MTFR1: variants seen among roughly 807,000 people sequenced by gnomAD.
MTFR1 encodes mitochondrial fission regulator 1, also known as chondrocyte protein with a poly-proline region.
MTFR1 carries 28 observed loss-of-function variants against 38.8 expected under a neutral mutation model. That is an observed-to-expected ratio of 0.72 (90% confidence interval 0.53 to 0.99). The LOEUF is 0.99. MTFR1 is among the 50% of genes least tolerant of loss of function. The pLI is 0.00. For missense variants in MTFR1, 358 were observed against 395.5 expected, an observed-to-expected ratio of 0.91 and a Z score of 0.81; for synonymous variants, 145 against 137.0, an observed-to-expected ratio of 1.06 and a Z score of -0.41.
At chr8:65,685,802 TGAAGTAGTATAGCATGGGGGA>T (rs1805053337) in intron 3 of MTFR1, among the ~76,000 whole-genome samples, 1 of 152,204 alleles carries the variant, frequency 6.6e-6, no homozygotes, top group Non-Finnish European at 1.5e-5. Context: ...CCATATAGTA[TGAAGTAGTATAGCATGGGGGA>T]GAAGATCAGG....
At chr8:65,772,574 T>A (rs916707565), downstream of MTFR1, among the ~76,000 whole-genome samples, 2 of 152,152 alleles carry the variant, frequency 1.3e-5, no homozygotes, top group Non-Finnish European at 2.9e-5. Flanking sequence ...ACTGATATCT[T>A]CAACTAGTGC....
intron 2 of MTFR1, among the ~76,000 whole-genome samples, chr8:65,680,908 T>C (rs1804860385): frequency 7.1e-6 from 1 of 140,804 alleles, no homozygotes; most frequent in African/African-American, 2.6e-5. Flanking sequence ...TCTTTTTTTT[T>C]TTTTTTTTTT....
intron 4 of MTFR1, among the ~76,000 whole-genome samples, chr8:65,696,027 A>AG (rs1805431019): frequency 6.6e-6 from 1 of 152,174 alleles, no homozygotes; most frequent in Admixed American, 6.5e-5. Flanking sequence ...ATGGAAGCAG[A>AG]GGAGGTAGAG....
chr8:65,660,310 GAC>G (rs1809376527), intron 1 of MTFR1, among the ~76,000 whole-genome samples: 6 of 114,264 alleles, frequency 5.3e-5, no homozygotes, highest in Admixed American at 1.8e-4. Flanking sequence ...AAAAAAAAAA[GAC>G]AAAAAAAAAA....
At chr8:65,757,036 T>C (rs150116467) in intron 3 of MTFR1, among the ~76,000 whole-genome samples, 1 of 152,248 alleles carries the variant, frequency 6.6e-6, no homozygotes, top group East Asian at 1.9e-4. Context: ...AACCTGCAGG[T>C]GTTCAGCTAT....
chr8:65,683,605 G>C lies in MTFR1; in HGVS notation c.165+1154G>C, dbSNP rs184686998. Among the ~76,000 whole-genome samples, 41 of 152,298 alleles carry C rather than the reference G, an allele frequency of 2.7e-4. No homozygotes were observed. The East Asian group carries it at 7.9e-3, about 29-fold the overall frequency. The stretch of plus-strand genomic sequence containing the variant: ...TAGATTAACATGTGGAGATGTGGAA[G>C]ATGTATTTAACTCATCATTTAGAAA... On this transcript the variant is annotated intron_variant, in intron 3 of 7. Transcript: ENST00000262146.
In MTFR1 at chr8:65,703,419, G is replaced by GTTTTTTT. The variant is rs553260839; in HGVS notation, c.282-1249_282-1243dup. ...GGTACATCCATGCTTGATGTCTCTG[G>GTTTTTTT]TTTTTTTTTTTTTTTTTTTTTTTTT... is the stretch of plus-strand genomic sequence containing the variant. On this transcript the variant is annotated intron_variant, in intron 4 of 7. Transcript: ENST00000262146. 4.0e-3 allele frequency among the ~76,000 whole-genome samples: 205 copies of GTTTTTTT among 50,952 alleles called. 27 individuals carry two copies. The highest frequency in any genetic ancestry group is 4.8e-3 in the African/African-American group (59 of 12,358). 33.4% of individuals were successfully genotyped at this position (50,952 alleles called of 152,430 possible). A position where few individuals can be genotyped will look rare whatever the true frequency, so the allele number is the denominator to read the frequency against.
downstream of MTFR1, among the ~76,000 whole-genome samples, chr8:65,711,391 C>CTGA (rs1240280548): frequency 2.6e-5 from 4 of 152,158 alleles, no homozygotes; most frequent in African/African-American, 2.4e-5. Context: ...AACCATAGTT[C>CTGA]TGATAACTTC....
At chr8:65,666,296 C>T (rs1804380796) in intron 1 of MTFR1, among the ~76,000 whole-genome samples, 1 of 99,562 alleles carries the variant, frequency 1.0e-5, no homozygotes, top group South Asian at 2.7e-4. Context: ...AATCCCAGCT[C>T]TCAGGAGGCT....
intron 3 of MTFR1, among the ~76,000 whole-genome samples, chr8:65,746,605 A>C (rs1332631992): frequency 2.6e-5 from 4 of 152,146 alleles, no homozygotes; most frequent in East Asian, 3.8e-4. Context: ...CTAGAAAAAA[A>C]CTTATATTTT....
chr8:65,670,356 A>G (rs1804534231), intron 2 of MTFR1, among the ~76,000 whole-genome samples: 1 of 152,224 alleles, frequency 6.6e-6, no homozygotes, highest in African/African-American at 2.4e-5. Context: ...ATGTTGTAGA[A>G]TCATTAACAT....
chr8:65,719,619 A>C, intron 3 of MTFR1: 1 of 669,850 alleles, frequency 1.5e-6, no homozygotes, highest in South Asian at 1.8e-5. Flanking sequence ...ATTCTTCAAA[A>C]GATTCCTGTG....
chr8:65,772,935 G>A (rs781748343), downstream of MTFR1, among the ~76,000 whole-genome samples: 2 of 152,138 alleles, frequency 1.3e-5, no homozygotes, highest in Non-Finnish European at 2.9e-5. Context: ...TTGAACCTGG[G>A]AGACGGAGGC....
At chr8:65,713,530 C>A (rs573361801), downstream of MTFR1, among the ~76,000 whole-genome samples, 8 of 151,962 alleles carry the variant, frequency 5.3e-5, no homozygotes, top group African/African-American at 1.9e-4. Context: ...CCCCACCATC[C>A]TATCAGACTT....
intron 3 of MTFR1, among the ~76,000 whole-genome samples, chr8:65,731,996 T>A (rs1806912126): frequency 6.6e-6 from 1 of 151,722 alleles, no homozygotes; most frequent in Non-Finnish European, 1.5e-5. Flanking sequence ...ATTGTTGTTG[T>A]TGTTGTTGTT....
intron 3 of MTFR1, among the ~76,000 whole-genome samples, chr8:65,688,471 C>T (rs1176212399): frequency 6.8e-5 from 9 of 133,046 alleles, no homozygotes; most frequent in Non-Finnish European, 1.4e-4. Flanking sequence ...TTTTTTGAGA[C>T]GGAGTCTTGC....
chr8:65,736,859 C>T (rs1288850431), intron 3 of MTFR1, among the ~76,000 whole-genome samples: 3 of 136,260 alleles, frequency 2.2e-5, no homozygotes, highest in South Asian at 2.5e-4. Flanking sequence ...TCTAGCTCTT[C>T]ATTTGGCTGT....
At chr8:65,771,639 G>A (rs1259696254), downstream of MTFR1, among the ~76,000 whole-genome samples, 1 of 152,084 alleles carries the variant, frequency 6.6e-6, no homozygotes, top group Non-Finnish European at 1.5e-5. Flanking sequence ...ACTTTGGGAG[G>A]CCAGGGCGGG....
chr8:65,663,145 A>G (rs1169478983), intron 1 of MTFR1, among the ~76,000 whole-genome samples: 1 of 152,094 alleles, frequency 6.6e-6, no homozygotes, highest in Non-Finnish European at 1.5e-5. Flanking sequence ...TCTGTGTAGA[A>G]AGAGGTAGAC....
Sources: allele counts gnomAD v4.1 joint callset (sites outside exome capture counted in the v4.1 genomes callset), GRCh38; gene constraint gnomAD v4.1.1; transcripts MANE v1.5; gene names NCBI Gene and HGNC (gene_info 2026-07-23, HGNC 2026-07-21).